Variants in ABHD17C observed in about 807,000 individuals in gnomAD.
ABHD17C encodes the protein alpha/beta hydrolase domain-containing protein 17C.
A neutral mutation model predicts 27.9 loss-of-function variants in ABHD17C; 11 were observed. The observed-to-expected ratio is 0.39, with a 90% CI of 0.25 to 0.65. ABHD17C has a LOEUF of 0.65. ABHD17C is among the 30% of genes least tolerant of loss of function. ABHD17C has a pLI of 0.45. For synonymous variants in ABHD17C, 233 were observed against 209.1 expected, an observed-to-expected ratio of 1.11 and a Z score of -0.98; for missense variants, 280 against 470.2, an observed-to-expected ratio of 0.60 and a Z score of 3.74.
intron 1 of ABHD17C, among the ~76,000 whole-genome samples, chr15:80,705,735 G>A (rs1894639093): frequency 6.6e-6 from 1 of 152,190 alleles, no homozygotes; most frequent in Non-Finnish European, 1.5e-5. Context: ...GAACGGTAAA[G>A]GTGTTTTAGT....
chr15:80,718,142 G>A (rs573151537), intron 1 of ABHD17C, among the ~76,000 whole-genome samples: 34 of 152,096 alleles, frequency 2.2e-4, no homozygotes, highest in Non-Finnish European at 3.4e-4. Context: ...AACACTGCCC[G>A]TGTAAGCTTT....
rs534506869 is a variant in ABHD17C, at chr15:80,699,945, T to C, written c.590+3926T>C. ...ACGTTTGCATTACTGGTAAGAAATA[T>C]AAGTATGTTGTGAATACAAACAAGT... On this transcript the variant is annotated intron_variant, in intron 1 of 2. Coordinates refer to ENST00000258884, the MANE Select transcript of ABHD17C (RefSeq NM_021214.2). Among the ~76,000 whole-genome samples, 13 of 152,318 alleles carry C rather than the reference T, an allele frequency of 8.5e-5. No individual in the cohort carries two copies. The South Asian group carries it at 2.3e-3, about 27-fold the overall frequency.
At chr15:80,711,141 T>C (rs1452003188) in intron 1 of ABHD17C, among the ~76,000 whole-genome samples, 1 of 152,200 alleles carries the variant, frequency 6.6e-6, no homozygotes, top group African/African-American at 2.4e-5. Context: ...TGGACCTACC[T>C]CTGCTTCTGT....
At chr15:80,752,811 C>T (rs1425006665) in intron 2 of ABHD17C, among the ~76,000 whole-genome samples, 2 of 152,302 alleles carry the variant, frequency 1.3e-5, no homozygotes, top group Non-Finnish European at 2.9e-5. Context: ...TCAGAGAAGT[C>T]GCCTACACAC....
At chr15:80,719,884 G>T (rs1228623810) in intron 1 of ABHD17C, among the ~76,000 whole-genome samples, 5 of 151,978 alleles carry the variant, frequency 3.3e-5, no homozygotes, top group East Asian at 1.9e-4. Context: ...TGCAGCCTCC[G>T]CCTCCCAGGC....
intron 1 of ABHD17C, among the ~76,000 whole-genome samples, chr15:80,706,190 C>G (rs551826031): frequency 6.6e-6 from 1 of 152,286 alleles, no homozygotes; most frequent in South Asian, 2.1e-4. Flanking sequence ...TGCCTTGTAC[C>G]TCAGATTCAT....
At chr15:80,742,576 A>G (rs924090829) in intron 1 of ABHD17C, among the ~76,000 whole-genome samples, 2 of 152,224 alleles carry the variant, frequency 1.3e-5, no homozygotes, top group Non-Finnish European at 2.9e-5. Flanking sequence ...CCTCACAGAC[A>G]CACCCAGAAA....
chr15:80,726,068 A>G (rs1276412886), intron 1 of ABHD17C, among the ~76,000 whole-genome samples: 1 of 152,250 alleles, frequency 6.6e-6, no homozygotes, highest in East Asian at 1.9e-4. Context: ...AAGTTAACTA[A>G]AAGTATCCCT....
In ABHD17C at chr15:80,695,331, C is replaced by A; in HGVS notation, c.-99C>A. On this transcript the variant is annotated 5_prime_UTR_variant, in exon 1 of 3. Transcript: ENST00000258884. This position sits in a 1 kb window ranked among gnomAD's most constrained non-coding sequence, Gnocchi z 4.3. ...GGGCGGGCTGCAGCCGCCCTCCGCG[C>A]TCGCCTGCCAGCTCCCTCGCCGCGC... 1 of 815,560 alleles carries A rather than the reference C, an allele frequency of 1.2e-6. No homozygotes were observed. 50.5% of individuals were successfully genotyped at this position (815,560 alleles called of 1,614,324 possible).
intron 1 of ABHD17C, among the ~76,000 whole-genome samples, chr15:80,748,444 G>A (rs547917998): frequency 1.3e-5 from 2 of 152,104 alleles, no homozygotes; most frequent in African/African-American, 4.8e-5. Flanking sequence ...ACACTGTCTG[G>A]CTTCTTCATT....
chr15:80,741,324 G>A (rs1028096360), intron 1 of ABHD17C, among the ~76,000 whole-genome samples: 2 of 152,022 alleles, frequency 1.3e-5, no homozygotes, highest in African/African-American at 4.8e-5. Context: ...ATAGTCCTGA[G>A]CCCTGTACAT....
At chr15:80,748,070 A>C (rs1895314050) in intron 1 of ABHD17C, among the ~76,000 whole-genome samples, 1 of 152,150 alleles carries the variant, frequency 6.6e-6, no homozygotes, top group Non-Finnish European at 1.5e-5. Flanking sequence ...CCATGTGTTT[A>C]ATTCCTGTCT....
intron 1 of ABHD17C, among the ~76,000 whole-genome samples, chr15:80,719,673 A>T (rs2141501777): frequency 6.6e-6 from 1 of 152,326 alleles, no homozygotes; most frequent in East Asian, 1.9e-4. Context: ...TGTTTTGTAG[A>T]TCTTTCTGAT....
chr15:80,704,514 A>T (rs1215493397), intron 1 of ABHD17C: 1 of 151,744 alleles, frequency 6.6e-6, no homozygotes, highest in African/African-American at 2.4e-5. Context: ...CATTGTGCAC[A>T]TGTACTGTAA....
intron 1 of ABHD17C, among the ~76,000 whole-genome samples, chr15:80,712,418 G>A (rs1297159787): frequency 6.6e-6 from 1 of 152,216 alleles, no homozygotes; most frequent in Non-Finnish European, 1.5e-5. Flanking sequence ...ATGTGAATGT[G>A]TAGCCCAGCC....
intron 2 of ABHD17C, 75 bp from the exon 3 acceptor site, chr15:80,754,076 T>TC: frequency 8.6e-7 from 1 of 1,159,190 alleles, no homozygotes; most frequent in Non-Finnish European, 1.3e-6. Context: ...TAACTTATCA[T>TC]TAAATGTGAT....
intron 1 of ABHD17C, among the ~76,000 whole-genome samples, chr15:80,712,562 G>A (rs1894742047): frequency 6.6e-6 from 1 of 152,220 alleles, no homozygotes; most frequent in Non-Finnish European, 1.5e-5. Flanking sequence ...TGAGGTCCAA[G>A]AAGTGTAACA....
intron 1 of ABHD17C, among the ~76,000 whole-genome samples, chr15:80,727,384 C>T (rs1348988959): frequency 2.0e-5 from 3 of 152,072 alleles, no homozygotes; most frequent in African/African-American, 7.2e-5. Flanking sequence ...CCGCATAGCC[C>T]CATGGTGCTT....
chr15:80,741,743 G>A (rs1429091976), intron 1 of ABHD17C, among the ~76,000 whole-genome samples: 3 of 152,026 alleles, frequency 2.0e-5, no homozygotes, highest in African/African-American at 7.2e-5. Context: ...TATTAAGTTG[G>A]GAACTTCCTT....
Sources: gnomAD v4.1 joint callset for allele counts (sites outside exome capture counted in the v4.1 genomes callset) on GRCh38, gnomAD v4.1.1 for gene constraint, Gnocchi (gnomAD v3.1) non-coding constraint, MANE v1.5 for transcripts, NCBI Gene and HGNC (gene_info 2026-07-23, HGNC 2026-07-21) for gene names.